BICC1: variants seen among roughly 807,000 people sequenced by gnomAD.
BICC1 encodes protein bicaudal C homolog 1.
BICC1 carries 43 observed loss-of-function variants against 111.0 expected under a neutral mutation model. The ratio of observed to expected loss-of-function variants is 0.39; its 90% CI spans 0.30 to 0.50. The LOEUF (loss-of-function observed/expected upper bound fraction) is 0.50, where lower values mean the gene tolerates loss of function less well. Among genes scored for constraint, BICC1 ranks in the 20% least tolerant of loss-of-function variants. The pLI is 0.88. For missense variants in BICC1, 1,091 were observed against 1,203.2 expected (o/e 0.91, Z 1.38); for synonymous variants, 467 against 434.4 (o/e 1.07, Z -0.93).
At chr10:58,789,203 CAT>C in intron 6 of BICC1, 57 bp from the exon 7 acceptor site, 16 of 1,390,418 alleles carry the variant, frequency 1.2e-5, no homozygotes, top group Non-Finnish European at 1.6e-5. Flanking sequence ...GAATGATACA[CAT>C]GTCTGAATGT....
chr10:58,788,438 C>G lies in BICC1; in HGVS notation c.600+15C>G, dbSNP rs547096611. The stretch of plus-strand genomic sequence containing the variant: ...TTAGAATTCGGGTAACTATTTATTA[C>G]TTTAACATTGTAAATTGATGTCAGC... On this transcript the variant is annotated intron_variant, in intron 6 of 20. Transcript: ENST00000373886. The G allele has an allele frequency of 3.2e-5, 50 of 1,581,012 alleles. No homozygotes were observed. The highest frequency in any genetic ancestry group is 4.2e-5 in the Non-Finnish European group (48 of 1,151,474).
At position 58,569,090 on chromosome 10, in the gene BICC1, A is replaced by G. The variant is rs374589786; in HGVS notation, c.191-51765A>G. Among the ~76,000 whole-genome samples, 23 of 152,340 alleles carry G rather than the reference A, an allele frequency of 1.5e-4. No individual in the cohort carries two copies. The East Asian group carries it at 3.7e-3, about 24-fold the overall frequency. On this transcript the variant is annotated intron_variant, in intron 1 of 20. Coordinates refer to ENST00000373886, the MANE Select transcript of BICC1 (RefSeq NM_001080512.3). Reference sequence around the variant, plus strand: ...CTAAATAACAAAGGTAGGGAAATGAACCTGGACAGGTTTGATAAAAGTACA... The same window carrying G: ...CTAAATAACAAAGGTAGGGAAATGAGCCTGGACAGGTTTGATAAAAGTACA...
At chr10:58,696,862 T>TG (rs1840078745) in intron 2 of BICC1, among the ~76,000 whole-genome samples, 1 of 152,218 alleles carries the variant, frequency 6.6e-6, no homozygotes, top group Admixed American at 6.5e-5. Flanking sequence ...TTTGTGGTGG[T>TG]GAAAACAGGG....
At chr10:58,597,686 TC>T (rs1254500013) in intron 1 of BICC1, among the ~76,000 whole-genome samples, 1 of 151,802 alleles carries the variant, frequency 6.6e-6, no homozygotes, top group Admixed American at 6.6e-5. Flanking sequence ...ATTATTGACC[TC>T]CCCCCAGGAA....
chr10:58,744,838 G>A (rs1347816861), intron 3 of BICC1, among the ~76,000 whole-genome samples: 1 of 152,110 alleles, frequency 6.6e-6, no homozygotes, highest in African/African-American at 2.4e-5. Flanking sequence ...GAGAACATCT[G>A]GAGGTGATCA....
intron 7 of BICC1, 68 bp from the exon 8 acceptor site, chr10:58,789,614 A>G (rs1846005425): frequency 4.4e-6 from 7 of 1,574,576 alleles, no homozygotes; most frequent in African/African-American, 2.7e-5. Flanking sequence ...TAGAAATGCA[A>G]TAGAATCTTT....
At chr10:58,774,343 A>G (rs1842695381) in intron 3 of BICC1, among the ~76,000 whole-genome samples, 1 of 152,260 alleles carries the variant, frequency 6.6e-6, no homozygotes, top group African/African-American at 2.4e-5. Context: ...GCTAACATTT[A>G]AAGTTCTCAA....
intron 1 of BICC1, among the ~76,000 whole-genome samples, chr10:58,590,162 GGGGAGT>G (rs749821328): frequency 1.7e-4 from 26 of 152,160 alleles, no homozygotes; most frequent in Non-Finnish European, 3.5e-4. Context: ...AATGGACTTA[GGGGAGT>G]TTGATGGGAC....
At chr10:58,630,492 G>A (rs1166546298) in intron 2 of BICC1, among the ~76,000 whole-genome samples, 2 of 152,076 alleles carry the variant, frequency 1.3e-5, no homozygotes, top group Non-Finnish European at 2.9e-5. Context: ...GTGGTGGCCT[G>A]ATCATAGCTC....
intron 3 of BICC1, among the ~76,000 whole-genome samples, chr10:58,733,768 G>A (rs1170201876): frequency 6.6e-6 from 1 of 152,188 alleles, no homozygotes; most frequent in Non-Finnish European, 1.5e-5. Context: ...ATTGCTGGTT[G>A]GCATTGATAG....
At chr10:58,567,549 AG>A (rs1484637410) in intron 1 of BICC1, among the ~76,000 whole-genome samples, 3 of 151,280 alleles carry the variant, frequency 2.0e-5, no homozygotes, top group Non-Finnish European at 4.4e-5. Flanking sequence ...TATCTCTTTT[AG>A]GGGATATATA....
intron 1 of BICC1, among the ~76,000 whole-genome samples, chr10:58,549,416 A>G (rs1490662215): frequency 6.6e-6 from 1 of 152,134 alleles, no homozygotes; most frequent in Non-Finnish European, 1.5e-5. Context: ...CACTCCAACA[A>G]TGAATTGAGA....
At position 58,807,135 on chromosome 10, in the gene BICC1, C is replaced by A; in HGVS notation, c.2353C>A (p.Pro785Thr). Residue 785 changes from proline (P) to threonine (T), a missense_variant, in exon 17 of 21, where the codon CCC becomes ACC. Pro to Thr is a conservative substitution (Grantham distance 38). Coordinates refer to ENST00000373886, the MANE Select transcript of BICC1 (RefSeq NM_001080512.3). ...AAGGGCCAATCATGTGTCCTATAAG[C>A]CCACAATGACAACCACTTATGAGGT... ...LRRANHVSYK[P>T]TMTTTYEGSS... The A allele has an allele frequency of 3.7e-6, 6 of 1,613,608 alleles. No individual in the cohort carries two copies. The highest frequency in any genetic ancestry group is 5.1e-6 in the Non-Finnish European group (6 of 1,179,758).
At chr10:58,673,488 A>G (rs555832968) in intron 2 of BICC1, among the ~76,000 whole-genome samples, 1 of 152,344 alleles carries the variant, frequency 6.6e-6, no homozygotes, top group African/African-American at 2.4e-5. Flanking sequence ...CAGGTGCTGG[A>G]CTATAAAGCT....
intron 1 of BICC1, among the ~76,000 whole-genome samples, chr10:58,525,946 T>A (rs527266738): frequency 6.6e-6 from 1 of 151,754 alleles, no homozygotes; most frequent in East Asian, 2.0e-4. Context: ...TTGAAAAAAA[T>A]TTTTTATAGT....
rs983231545 is a variant in BICC1 at position 58,780,121 on chromosome 10, T to C, written c.308-4880T>C. Among the ~76,000 whole-genome samples the C allele has an allele frequency of 2.6e-5, 4 of 152,298 alleles. No homozygotes were observed. The East Asian group carries it at 7.7e-4, about 29-fold the overall frequency. On this transcript the variant is annotated intron_variant, in intron 3 of 20. Transcript: ENST00000373886. ...CGTCTTGATTATATTGTTTCAGAAGTAAAGCGCTTTTGGAAGAAATTAACT... is the reference window on the plus strand; with the variant it reads ...CGTCTTGATTATATTGTTTCAGAAGCAAAGCGCTTTTGGAAGAAATTAACT...
At chr10:58,610,058 C>A (rs1026536467) in intron 1 of BICC1, among the ~76,000 whole-genome samples, 1 of 152,146 alleles carries the variant, frequency 6.6e-6, no homozygotes, top group African/African-American at 2.4e-5. Context: ...ATCAGTCCAC[C>A]AGGAAGTCTT....
At chr10:58,798,691 A>G in intron 11 of BICC1, 131 bp downstream of exon 11, 2 of 801,784 alleles carry the variant, frequency 2.5e-6, no homozygotes, top group Non-Finnish European at 1.8e-6. Context: ...TGAAACAGAA[A>G]TTCCCTGATA....
At chr10:58,827,059 G>C (rs1844421137) in intron 20 of BICC1, among the ~76,000 whole-genome samples, 1 of 152,174 alleles carries the variant, frequency 6.6e-6, no homozygotes, top group Admixed American at 6.5e-5. Context: ...TTTGATGTTG[G>C]ATAATGCCCC....
Sources: allele counts gnomAD v4.1 joint callset (sites outside exome capture counted in the v4.1 genomes callset), GRCh38; gene constraint gnomAD v4.1.1; transcripts MANE v1.5; gene names NCBI Gene and HGNC (gene_info 2026-07-23, HGNC 2026-07-21).